Variants in OXR1 observed in about 807,000 individuals in gnomAD.
OXR1 encodes oxidation resistance protein 1.
Under a neutral mutation model 104.6 loss-of-function variants are expected in OXR1, and 41 were observed. That is an observed-to-expected ratio of 0.39 (90% CI 0.31 to 0.51). The LOEUF (loss-of-function observed/expected upper bound fraction) is 0.51. Among genes scored for constraint, OXR1 ranks in the 20% least tolerant of loss-of-function variants. The pLI, the probability that OXR1 is intolerant of heterozygous loss-of-function variation, is 0.77. For synonymous variants in OXR1, 348 were observed against 348.4 expected, an observed-to-expected ratio of 1.00 and a Z score of 0.01; for missense variants, 955 against 1,031.9, an observed-to-expected ratio of 0.93 and a Z score of 1.02.
chr8:106,441,293 C>A (rs560724044), intron 2 of OXR1, among the ~76,000 whole-genome samples: 2 of 152,134 alleles, frequency 1.3e-5, no homozygotes, highest in South Asian at 4.1e-4. Flanking sequence ...GTTATGGTAC[C>A]AGTACCATGC....
At chr8:106,698,971 C>CA (rs1830335690) in intron 7 of OXR1, among the ~76,000 whole-genome samples, 1 of 151,834 alleles carries the variant, frequency 6.6e-6, no homozygotes, top group Non-Finnish European at 1.5e-5. Context: ...TGTATTCCTA[C>CA]ATATATTCTT....
intron 3 of OXR1, among the ~76,000 whole-genome samples, chr8:106,641,275 G>T (rs1823605999): frequency 6.6e-6 from 1 of 152,164 alleles, no homozygotes; most frequent in Admixed American, 6.5e-5. Flanking sequence ...TCTTGAATGG[G>T]ACCTCATAGC....
intron 11 of OXR1, among the ~76,000 whole-genome samples, chr8:106,730,037 T>C (rs1025750736): frequency 6.6e-6 from 1 of 151,950 alleles, no homozygotes; most frequent in Non-Finnish European, 1.5e-5. Context: ...CCTCTCTGGA[T>C]TTTTTGTTTT....
chr8:106,691,609 CATATATATACAT>C (rs1416301192), intron 6 of OXR1, among the ~76,000 whole-genome samples: 1 of 76,866 alleles, frequency 1.3e-5, no homozygotes, highest in Non-Finnish European at 2.5e-5. Context: ...ACAATGTGCA[CATATATATACAT>C]ATATATATAT....
chr8:106,349,899 T>C (rs1342812427), intron 1 of OXR1, among the ~76,000 whole-genome samples: 1 of 152,094 alleles, frequency 6.6e-6, no homozygotes, highest in Non-Finnish European at 1.5e-5. Flanking sequence ...CAGAAGCCTA[T>C]TGGAATCAGT....
chr8:106,378,223 C>T (rs190121428), intron 2 of OXR1, among the ~76,000 whole-genome samples: 2 of 152,264 alleles, frequency 1.3e-5, no homozygotes, highest in East Asian at 1.9e-4. Context: ...CTGGAAATCA[C>T]GAGGACAAAT....
intron 3 of OXR1, among the ~76,000 whole-genome samples, chr8:106,630,572 T>C (rs540912406): frequency 6.6e-6 from 1 of 152,298 alleles, no homozygotes; most frequent in Admixed American, 6.5e-5. Flanking sequence ...ACAGAACTCA[T>C]ATGCACGTGC....
intron 3 of OXR1, among the ~76,000 whole-genome samples, chr8:106,592,978 A>G (rs1454035774): frequency 2.0e-5 from 3 of 152,152 alleles, no homozygotes; most frequent in African/African-American, 7.2e-5. Context: ...TTCCTTTTTC[A>G]GGTGTTTTCC....
rs577341563 is a variant in OXR1, at chr8:106,294,029, T to A, written c.-139+23662T>A. Among the ~76,000 whole-genome samples, 66 of 150,802 alleles carry A rather than the reference T, an allele frequency of 4.4e-4. 1 individual carries two copies. The highest frequency in any genetic ancestry group is 1.5e-3 in the African/African-American group (60 of 40,832). ...AATAAGCTGAGGAAAACATTTTTTT[T>A]TAAAAAGTCAATTACTTTGTGTTTA... On this transcript the variant is annotated intron_variant, in intron 1 of 16. Transcript: ENST00000517566.
At chr8:106,694,558 TTATA>T (rs1270554928) in intron 7 of OXR1, among the ~76,000 whole-genome samples, 2 of 126,964 alleles carry the variant, frequency 1.6e-5, no homozygotes, top group Non-Finnish European at 3.2e-5. Flanking sequence ...ATAAATATGT[TTATA>T]TATATTTGAT....
rs184818382 is a variant in OXR1, at chr8:106,409,754, G to T, written c.23+50118G>T. ...ACAGTTGGGCTTAATGATAGAAAAA[G>T]AATTAGTTTGACTTTCTTTTCTGGA... On this transcript the variant is annotated intron_variant, in intron 2 of 16. Coordinates refer to ENST00000517566, the MANE Select transcript of OXR1 (RefSeq NM_001198533.2). Among the ~76,000 whole-genome samples, 2 of 152,182 alleles carry T rather than the reference G, an allele frequency of 1.3e-5. 1 individual carries two copies. The highest frequency in any genetic ancestry group is 1.3e-4 in the Admixed American group (2 of 15,274).
At chr8:106,300,844 C>T (rs1361157276) in intron 1 of OXR1, among the ~76,000 whole-genome samples, 1 of 152,122 alleles carries the variant, frequency 6.6e-6, no homozygotes, top group Non-Finnish European at 1.5e-5. Flanking sequence ...GCTTTACTTT[C>T]CACTAGGGAG....
chr8:106,638,045 G>A (rs879521927), intron 3 of OXR1, among the ~76,000 whole-genome samples: 7 of 152,146 alleles, frequency 4.6e-5, no homozygotes, highest in Admixed American at 3.9e-4. Flanking sequence ...GATTACAGGC[G>A]TGAGCCACCG....
chr8:106,498,891 G>A lies in OXR1; in HGVS notation c.24-20052G>A, dbSNP rs1426536906. Reference sequence around the variant, plus strand: ...AAAGAATTAGGAGATGGCCGGGCGCGGTGGCTCACGCCTGTAATCCCAGCA... The same window carrying A: ...AAAGAATTAGGAGATGGCCGGGCGCAGTGGCTCACGCCTGTAATCCCAGCA... On this transcript the variant is annotated intron_variant, in intron 2 of 16. Coordinates refer to ENST00000517566, the MANE Select transcript of OXR1 (RefSeq NM_001198533.2). 1.9e-4 allele frequency among the ~76,000 whole-genome samples: 3 copies of A among 16,036 alleles called. 1 individual carries two copies. The highest frequency in any genetic ancestry group is 1.9e-3 in the South Asian group (2 of 1,074). 10.5% of individuals were successfully genotyped at this position (16,036 alleles called of 152,430 possible). A position where few individuals can be genotyped will look rare whatever the true frequency, so the allele number is the denominator to read the frequency against.
At position 106,366,649 on chromosome 8, in the gene OXR1, G is replaced by A. The variant is rs185677872; in HGVS notation, c.23+7013G>A. 1.5e-4 allele frequency among the ~76,000 whole-genome samples: 23 copies of A among 152,278 alleles called. No individual in the cohort carries two copies. The East Asian group carries it at 3.5e-3, about 23-fold the overall frequency. On this transcript the variant is annotated intron_variant, in intron 2 of 16. Transcript: ENST00000517566. ...ATTTTTTTTAAAAGGAGAACTCTGT[G>A]TGATAGGAAAAGCTTAGCTGTGAGA...
chr8:106,652,172 A>G (rs1333915880), intron 3 of OXR1, among the ~76,000 whole-genome samples: 2 of 152,126 alleles, frequency 1.3e-5, no homozygotes, highest in African/African-American at 2.4e-5. Flanking sequence ...TGAAAGTGCC[A>G]TAGAAATAGG....
chr8:106,312,373 G>A (rs1392701301), intron 1 of OXR1, among the ~76,000 whole-genome samples: 1 of 152,222 alleles, frequency 6.6e-6, no homozygotes, highest in Non-Finnish European at 1.5e-5. Flanking sequence ...GGGTATGGTG[G>A]CTGGCTTCCG....
At chr8:106,368,513 C>G (rs1466958562) in intron 2 of OXR1, among the ~76,000 whole-genome samples, 1 of 151,842 alleles carries the variant, frequency 6.6e-6, no homozygotes, top group South Asian at 2.1e-4. Flanking sequence ...TGGTGGTTTG[C>G]TGCACCTATT....
At chr8:106,372,973 A>G (rs1273093005) in intron 2 of OXR1, among the ~76,000 whole-genome samples, 1 of 152,228 alleles carries the variant, frequency 6.6e-6, no homozygotes, top group African/African-American at 2.4e-5. Flanking sequence ...CATAGATTCA[A>G]CCAACCTCAG....
Sources: allele counts gnomAD v4.1 joint callset (sites outside exome capture counted in the v4.1 genomes callset), GRCh38; gene constraint gnomAD v4.1.1; transcripts MANE v1.5; gene names NCBI Gene and HGNC (gene_info 2026-07-23, HGNC 2026-07-21).